SMIM14: variants seen among roughly 807,000 people sequenced by gnomAD.
SMIM14 encodes chromosome 4 open reading frame 34.
In SMIM14, 5 loss-of-function variants were observed where a neutral mutation model predicts 12.6. That is an observed-to-expected ratio of 0.40 (90% CI 0.21 to 0.83). The LOEUF is 0.83. Ranked by LOEUF, SMIM14 falls within the 40% of genes least tolerant of loss-of-function variation. SMIM14 has a pLI of 0.37. For synonymous variants in SMIM14, 30 were observed against 40.1 expected, an observed-to-expected ratio of 0.75 and a Z score of 0.95; for missense variants, 86 against 119.1, an observed-to-expected ratio of 0.72 and a Z score of 1.29.
At chr4:39,635,252 T>C (rs1473939623) in intron 1 of SMIM14, among the ~76,000 whole-genome samples, 3 of 152,160 alleles carry the variant, frequency 2.0e-5, no homozygotes, top group Non-Finnish European at 4.4e-5. Context: ...AGGAAGAAAC[T>C]CACATGGCCA....
chr4:39,550,976 C>T lies in SMIM14; in HGVS notation c.*1150G>A, dbSNP rs896261543. The T allele has an allele frequency of 6.6e-6, 1 of 151,314 alleles. No homozygotes were observed. The highest frequency in any genetic ancestry group is 2.4e-5 in the African/African-American group (1 of 41,100). 9.4% of individuals were successfully genotyped at this position (151,314 alleles called of 1,614,324 possible). On this transcript the variant is annotated 3_prime_UTR_variant, in exon 5 of 5. Transcript: ENST00000295958. ...TTAGGCTGGAATGCAGTGGTGCGAT[C>T]TTGGTTCACTGCAACCTCCACCTCC...
chr4:39,625,031 C>T (rs1715637999), intron 1 of SMIM14, among the ~76,000 whole-genome samples: 1 of 150,384 alleles, frequency 6.6e-6, no homozygotes, highest in Non-Finnish European at 1.5e-5. Flanking sequence ...AAGATGAAAC[C>T]CCATCTCTAC....
chr4:39,608,086 G>A (rs1714881142), intron 1 of SMIM14, among the ~76,000 whole-genome samples: 1 of 152,094 alleles, frequency 6.6e-6, no homozygotes, highest in African/African-American at 2.4e-5. Flanking sequence ...TGGCTGCTGT[G>A]GAAAATAGTT....
intron 1 of SMIM14, among the ~76,000 whole-genome samples, chr4:39,632,947 A>ATG (rs914403040): frequency 1.5e-4 from 23 of 151,926 alleles, no homozygotes; most frequent in Non-Finnish European, 1.6e-4. Context: ...ATATGCAAGT[A>ATG]TGTATATATA....
chr4:39,598,724 T>G (rs2110049857), intron 2 of SMIM14, among the ~76,000 whole-genome samples: 1 of 152,302 alleles, frequency 6.6e-6, no homozygotes, highest in Admixed American at 6.5e-5. Context: ...TTTTTTGCAT[T>G]TTTCTATGAC....
intron 2 of SMIM14, among the ~76,000 whole-genome samples, chr4:39,599,624 G>C (rs1714518393): frequency 6.6e-6 from 1 of 152,030 alleles, no homozygotes; most frequent in Admixed American, 6.6e-5. Flanking sequence ...ATCAGATGTG[G>C]GTTGAAAGAA....
intron 1 of SMIM14, among the ~76,000 whole-genome samples, chr4:39,611,568 G>A (rs1482500884): frequency 6.6e-6 from 1 of 151,558 alleles, no homozygotes; most frequent in Non-Finnish European, 1.5e-5. Context: ...TAGCTACTCA[G>A]GAGGCTGACA....
At chr4:39,584,056 T>A (rs1244701857) in intron 2 of SMIM14, 1 of 151,914 alleles carries the variant, frequency 6.6e-6, no homozygotes, top group Non-Finnish European at 1.5e-5. Context: ...ATACAGTACG[T>A]TCAATTCAAG....
intron 1 of SMIM14, among the ~76,000 whole-genome samples, chr4:39,632,516 A>G (rs1273648370): frequency 6.8e-6 from 1 of 147,578 alleles, no homozygotes; most frequent in Non-Finnish European, 1.5e-5. Flanking sequence ...ATGTCTGACC[A>G]GGTGCAATGG....
At chr4:39,613,066 A>G (rs1318398699) in intron 1 of SMIM14, among the ~76,000 whole-genome samples, 1 of 152,188 alleles carries the variant, frequency 6.6e-6, no homozygotes, top group Non-Finnish European at 1.5e-5. Context: ...GGCTATTTTA[A>G]AATCTCTTTT....
At chr4:39,638,563 C>T in intron 1 of SMIM14, 176 bp downstream of exon 1, 1 of 983,844 alleles carries the variant, frequency 1.0e-6, no homozygotes, top group Non-Finnish European at 1.2e-6. Flanking sequence ...TCGGCAGCAG[C>T]GGAGCTTCTC....
intron 1 of SMIM14, among the ~76,000 whole-genome samples, chr4:39,611,588 C>T (rs1439941855): frequency 4.0e-5 from 6 of 151,552 alleles, no homozygotes; most frequent in Non-Finnish European, 7.4e-5. Flanking sequence ...ACAGGAGAAT[C>T]GCTTGAACCC....
intron 3 of SMIM14, among the ~76,000 whole-genome samples, chr4:39,563,661 C>T (rs1051194523): frequency 6.6e-5 from 10 of 152,202 alleles, no homozygotes; most frequent in African/African-American, 2.2e-4. Flanking sequence ...TCACCTATAA[C>T]CTACATCCCT....
At chr4:39,594,452 A>G (rs1177256155) in intron 2 of SMIM14, 3 of 151,622 alleles carry the variant, frequency 2.0e-5, no homozygotes, top group Non-Finnish European at 4.4e-5. Context: ...TAAAAACCCT[A>G]GAAGAAAACC....
chr4:39,616,242 T>C (rs1715219243), intron 1 of SMIM14, among the ~76,000 whole-genome samples: 1 of 152,126 alleles, frequency 6.6e-6, no homozygotes, highest in South Asian at 2.1e-4. Context: ...TTCAAGCAAT[T>C]CTCCTGCCTC....
At chr4:39,628,135 C>T (rs1441274927) in intron 1 of SMIM14, among the ~76,000 whole-genome samples, 3 of 151,682 alleles carry the variant, frequency 2.0e-5, no homozygotes, top group East Asian at 2.0e-4. Flanking sequence ...GGTGAAACGC[C>T]GCCTCGACTA....
At chr4:39,622,499 C>A (rs1289488279) in intron 1 of SMIM14, among the ~76,000 whole-genome samples, 1 of 152,216 alleles carries the variant, frequency 6.6e-6, no homozygotes, top group Admixed American at 6.5e-5. Flanking sequence ...CTCCCGGATT[C>A]AAGTGATTCT....
At position 39,558,815 on chromosome 4, in the gene SMIM14, TCTC is replaced by T. The variant is rs994991985; in HGVS notation, c.125-2248_125-2246del. On this transcript the variant is annotated intron_variant, in intron 3 of 4. Transcript: ENST00000295958. This position sits in a 1 kb window ranked among gnomAD's most constrained non-coding sequence, Gnocchi z 4.3. ...CCTCCACCTCCCGGGTTCAAGCAAT[TCTC>T]CTGTCTCAGTCTCCCCTGTAGCTGG... Among the ~76,000 whole-genome samples the T allele has an allele frequency of 6.6e-6, 1 of 152,090 alleles. No individual in the cohort carries two copies. The highest frequency in any genetic ancestry group is 2.4e-5 in the African/African-American group (1 of 41,412).
intron 1 of SMIM14, among the ~76,000 whole-genome samples, chr4:39,617,751 C>T (rs534912336): frequency 6.6e-6 from 1 of 152,352 alleles, no homozygotes; most frequent in East Asian, 1.9e-4. Context: ...GCCCTACTCA[C>T]TCTCTGGTGG....
Sources: allele counts gnomAD v4.1 joint callset (sites outside exome capture counted in the v4.1 genomes callset), GRCh38; gene constraint gnomAD v4.1.1; non-coding constraint Gnocchi (gnomAD v3.1); transcripts MANE v1.5; gene names NCBI Gene and HGNC (gene_info 2026-07-23, HGNC 2026-07-21).